The following HEMK1 variants were observed in gnomAD, a reference collection of about 807,000 sequenced individuals.
HEMK1 encodes MTRF1L release factor glutamine methyltransferase.
Under a neutral mutation model 47.9 loss-of-function variants are expected in HEMK1, and 36 were observed. That is an observed-to-expected ratio of 0.75 (90% CI 0.58 to 0.99). The LOEUF (loss-of-function observed/expected upper bound fraction) is 0.99. Ranked by LOEUF, HEMK1 falls within the 50% of genes least tolerant of loss-of-function variation. The pLI is 0.00. For synonymous variants in HEMK1, 153 were observed against 165.4 expected, an observed-to-expected ratio of 0.93 and a Z score of 0.57; for missense variants, 383 against 434.5, an observed-to-expected ratio of 0.88 and a Z score of 1.05.
At chr3:50,573,222 T>TG (rs1559455353) in intron 4 of HEMK1, among the ~76,000 whole-genome samples, 1 of 152,064 alleles carries the variant, frequency 6.6e-6, no homozygotes, top group Non-Finnish European at 1.5e-5. Context: ...GAAGGGAGCA[T>TG]GGGGGCAGCA....
chr3:50,579,990 C>T (rs766556325), intron 9 of HEMK1, 51 bp downstream of exon 9: 1 of 1,543,546 alleles, frequency 6.5e-7, no homozygotes, highest in Non-Finnish European at 9.0e-7. Flanking sequence ...CTCCTCTGCT[C>T]CTAATGTGTA....
intron 8 of HEMK1, 101 bp downstream of exon 8, chr3:50,579,027 G>A: frequency 1.2e-6 from 1 of 814,664 alleles, no homozygotes; most frequent in Non-Finnish European, 2.0e-6. Context: ...GGGAGTTGGT[G>A]CTGAAATGGG....
Position 50,590,210 on chromosome 3 carries a change from T to C in HEMK1, c.*9793T>C, listed in dbSNP as rs1396391116. On this transcript the variant is annotated 3_prime_UTR_variant, in exon 11 of 11. Transcript: ENST00000232854. The stretch of plus-strand genomic sequence containing the variant: ...AAAAAAAAAAATTTAAAAATAATAA[T>C]TTTAAAAAAATGTTTTAAAAATGAA... 1.3e-5 allele frequency: 2 copies of C among 151,408 alleles called. No homozygotes were observed. Among genetic ancestry groups the C allele is most frequent in the Non-Finnish European group, 2.9e-5 (2 of 67,974 alleles). 9.4% of individuals were successfully genotyped at this position (151,408 alleles called of 1,614,324 possible).
intron 8 of HEMK1, 90 bp from the exon 9 acceptor site, chr3:50,579,754 G>C: frequency 2.2e-6 from 2 of 913,636 alleles, no homozygotes; most frequent in Non-Finnish European, 3.4e-6. Flanking sequence ...AGTTCCACAG[G>C]GCCCCATTCA....
chr3:50,572,553 A>G (rs1701119576), intron 4 of HEMK1, among the ~76,000 whole-genome samples: 1 of 152,238 alleles, frequency 6.6e-6, no homozygotes, highest in Non-Finnish European at 1.5e-5. Context: ...GTCTTCCAGC[A>G]GCTTCTCAGG....
intron 4 of HEMK1, among the ~76,000 whole-genome samples, chr3:50,573,098 C>T (rs1701198430): frequency 6.6e-6 from 1 of 152,224 alleles, no homozygotes; most frequent in Non-Finnish European, 1.5e-5. Flanking sequence ...ACTCTCTGAC[C>T]CCTCTCCTCT....
chr3:50,578,012 G>GTA, intron 7 of HEMK1, 137 bp downstream of exon 7: 1 of 814,130 alleles, frequency 1.2e-6, no homozygotes, highest in Non-Finnish European at 2.1e-6. Context: ...ACATACACGT[G>GTA]TGTGTGTGCA....
intron 4 of HEMK1, among the ~76,000 whole-genome samples, chr3:50,572,908 G>C (rs1017565159): frequency 6.6e-6 from 1 of 152,218 alleles, no homozygotes; most frequent in African/African-American, 2.4e-5. Context: ...AGACCAGGGA[G>C]TAGAGCTGGG....
chr3:50,582,395 G>A lies in HEMK1; in HGVS notation c.*1978G>A, dbSNP rs929274216. On this transcript the variant is annotated 3_prime_UTR_variant, in exon 11 of 11. Coordinates refer to ENST00000232854, the MANE Select transcript of HEMK1 (RefSeq NM_016173.5). ...CGGGGCCTCAAGCCTGCAGCCACTG[G>A]CTTGATTGGGCCCTGGACGTTGAGC... The A allele has an allele frequency of 6.6e-6, 1 of 152,206 alleles. No individual in the cohort carries two copies. The highest frequency in any genetic ancestry group is 2.4e-5 in the African/African-American group (1 of 41,450). 9.4% of individuals were successfully genotyped at this position (152,206 alleles called of 1,614,324 possible).
chr3:50,571,659 T>TG (rs1475950088), intron 2 of HEMK1, 51 bp from the exon 3 acceptor site: 1 of 1,526,020 alleles, frequency 6.6e-7, no homozygotes. Context: ...ACACCTGGGT[T>TG]GGGGGCCTTG....
At position 50,571,338 on chromosome 3, in the gene HEMK1, G is replaced by A. The variant is rs2107374345; in HGVS notation, c.228+6G>A. 1 of 1,566,712 alleles carries A rather than the reference G, an allele frequency of 6.4e-7. No homozygotes were observed. The highest frequency in any genetic ancestry group is 8.7e-7 in the Non-Finnish European group (1 of 1,153,158). On this transcript the variant is annotated splice_donor_region_variant and intron_variant, in intron 2 of 10. Transcript: ENST00000232854. Reference sequence around the variant, plus strand: ...ATGTCCTTGGAGCCAAAACAGTTAAGTTTAGTGTTGTCAAGAGGACAGGAA... The same window carrying A: ...ATGTCCTTGGAGCCAAAACAGTTAAATTTAGTGTTGTCAAGAGGACAGGAA...
chr3:50,576,378 G>A (rs765153181), intron 4 of HEMK1, among the ~76,000 whole-genome samples: 4 of 152,210 alleles, frequency 2.6e-5, no homozygotes, highest in Admixed American at 1.3e-4. Flanking sequence ...AGAGGGAGTG[G>A]ACAGGAACTA....
At chr3:50,573,512 G>C (rs1396814330) in intron 4 of HEMK1, among the ~76,000 whole-genome samples, 2 of 152,248 alleles carry the variant, frequency 1.3e-5, no homozygotes, top group Non-Finnish European at 2.9e-5. Context: ...TGAGTATCAA[G>C]TGTGGACTTT....
At position 50,591,307 on chromosome 3, in the gene HEMK1, G is replaced by C. The variant is rs1286651163; in HGVS notation, c.*10890G>C. ...GCCCAGGAGGTTGGATGGTTCAGGT[G>C]GGGCCCTGGCCTTGCAGAACTCATG... On this transcript the variant is annotated 3_prime_UTR_variant, in exon 11 of 11. Transcript: ENST00000232854. 1 of 152,254 alleles carries C rather than the reference G, an allele frequency of 6.6e-6. No homozygotes were observed. The highest frequency in any genetic ancestry group is 1.5e-5 in the Non-Finnish European group (1 of 68,048). The allele number at this position is 152,254 out of a possible 1,614,324, so 9.4% of individuals were successfully genotyped here. A position where few individuals can be genotyped will look rare whatever the true frequency, so the allele number is the denominator to read the frequency against.
rs2107384229 is a variant in HEMK1 at position 50,571,761 on chromosome 3, C to G, written c.280C>G (p.Leu94Val). The change falls in exon 3 of 11, where the codon CTA becomes GTA. Residue 94 changes from leucine (L) to valine (V), a missense_variant. By Grantham distance (32) the Leu-to-Val change is conservative. Transcript: ENST00000232854. ...GACCCAGCCCTTGACCTCTCAGCAA[C>G]TACAGTGTATCCGGGAGCTGAGTAG... is the stretch of plus-strand genomic sequence containing the variant. The part of the protein sequence containing the change: ...LWTQPLTSQQ[L>V]QCIRELSSRR... 3 of 1,614,192 alleles carry G rather than the reference C, an allele frequency of 1.9e-6. No individual in the cohort carries two copies. In the East Asian group the frequency reaches 6.7e-5, roughly 36 times the overall value.
chr3:50,578,159 G>A (rs903488944), intron 7 of HEMK1, among the ~76,000 whole-genome samples: 1 of 152,222 alleles, frequency 6.6e-6, no homozygotes, highest in African/African-American at 2.4e-5. Flanking sequence ...GGGCTTGCTT[G>A]TTGGCAACAG....
intron 6 of HEMK1, 36 bp from the exon 7 acceptor site, chr3:50,577,790 G>A: frequency 6.2e-7 from 1 of 1,608,900 alleles, no homozygotes; most frequent in Non-Finnish European, 8.5e-7. Context: ...GTAGGGGTCT[G>A]CCCCCGTGCC....
chr3:50,588,661 A>G lies in HEMK1; in HGVS notation c.*8244A>G, dbSNP rs2031544790. On this transcript the variant is annotated 3_prime_UTR_variant, in exon 11 of 11. Transcript: ENST00000232854. ...CGAAAGTGGCTGCCACTGAACCCAG[A>G]CTCTGATGTACTCCGGATATGGGTG... The G allele has an allele frequency of 1.3e-5, 2 of 152,276 alleles. No homozygotes were observed. Among genetic ancestry groups the G allele is most frequent in the African/African-American group, 4.8e-5 (2 of 41,550 alleles). 9.4% of individuals were successfully genotyped at this position (152,276 alleles called of 1,614,324 possible).
In HEMK1 at chr3:50,580,724, T is replaced by G; in HGVS notation, c.*307T>G. On this transcript the variant is annotated 3_prime_UTR_variant, in exon 11 of 11. Transcript: ENST00000232854. ...TGACTTGCAGGTCCCCTGACCCCCT[T>G]ACTCCCAGGTAGCACTGGGGCAAGG... 1 of 438,582 alleles carries G rather than the reference T, an allele frequency of 2.3e-6. No individual in the cohort carries two copies. The highest frequency in any genetic ancestry group is 2.6e-5 in the South Asian group (1 of 38,688). 27.2% of individuals were successfully genotyped at this position (438,582 alleles called of 1,614,324 possible).
Sources: gnomAD v4.1 joint callset for allele counts (sites outside exome capture counted in the v4.1 genomes callset) on GRCh38, gnomAD v4.1.1 for gene constraint, MANE v1.5 for transcripts, NCBI Gene and HGNC (gene_info 2026-07-23, HGNC 2026-07-21) for gene names.